Variants in GPC4 observed in about 807,000 individuals in gnomAD.
GPC4 encodes the protein glypican-4.
A neutral mutation model predicts 35.0 loss-of-function variants in GPC4; 10 were observed. That is an observed-to-expected ratio of 0.29 (90% CI 0.18 to 0.48). The LOEUF is 0.48. GPC4 is among the 20% of genes least tolerant of loss of function. The pLI is 0.99. For synonymous variants in GPC4, 167 were observed against 170.2 expected (o/e 0.98, Z 0.15); for missense variants, 322 against 451.3 (o/e 0.71, Z 2.60).
intron 1 of GPC4, among the ~76,000 whole-genome samples, chrX:133,376,281 G>A (rs1055298198): frequency 8.9e-6 from 1 of 111,819 alleles, no homozygotes; most frequent in African/African-American, 3.2e-5. Flanking sequence ...AACCTACCCC[G>A]GGCTCTCCCC....
chrX:133,403,951 C>T (rs140404164), intron 1 of GPC4, among the ~76,000 whole-genome samples: 3,156 of 110,918 alleles, frequency 0.028, 102 homozygotes, highest in African/African-American at 0.096. Flanking sequence ...CCTGCCTCGA[C>T]CTCCCAAAGT....
At chrX:133,360,428 A>G (rs1220168760) in intron 1 of GPC4, among the ~76,000 whole-genome samples, 1 of 111,587 alleles carries the variant, frequency 9.0e-6, no homozygotes, top group Non-Finnish European at 1.9e-5. Flanking sequence ...CTATTGATAT[A>G]CTAAATTTAT....
intron 1 of GPC4, among the ~76,000 whole-genome samples, chrX:133,397,898 T>A (rs1189201425): frequency 2.7e-5 from 3 of 110,784 alleles, no homozygotes; most frequent in African/African-American, 9.8e-5. Flanking sequence ...CTGTCTCTAC[T>A]AAAAATCCAA....
At chrX:133,365,340 C>A (rs1035984170) in intron 1 of GPC4, among the ~76,000 whole-genome samples, 8 of 111,699 alleles carry the variant, frequency 7.2e-5, no homozygotes, top group Admixed American at 3.8e-4. Context: ...TTTCTCTAGT[C>A]ACTCAACCAA....
chrX:133,353,515 C>T (rs1310186859), intron 1 of GPC4, among the ~76,000 whole-genome samples: 2 of 111,678 alleles, frequency 1.8e-5, no homozygotes, highest in Non-Finnish European at 3.8e-5. Context: ...CTAGCTTGCC[C>T]TCTCTAACTC....
At chrX:133,317,298 T>C (rs904252473) in intron 3 of GPC4, among the ~76,000 whole-genome samples, 2 of 111,576 alleles carry the variant, frequency 1.8e-5, no homozygotes, top group East Asian at 2.8e-4. Context: ...TCTCAACTTA[T>C]TAAAACTCTT....
At chrX:133,359,567 G>A (rs2068557472) in intron 1 of GPC4, among the ~76,000 whole-genome samples, 1 of 111,921 alleles carries the variant, frequency 8.9e-6, no homozygotes, top group Admixed American at 9.5e-5. Flanking sequence ...CTCTATCAAA[G>A]GGAGGAAGCC....
chrX:133,409,320 T>TAAAAA (rs36008423), intron 1 of GPC4, among the ~76,000 whole-genome samples: 5 of 31,793 alleles, frequency 1.6e-4, no homozygotes, highest in East Asian at 1.0e-3. Context: ...GACCCTGCCT[T>TAAAAA]AAAAAAAAAA....
chrX:133,327,091 A>G (rs886576800), intron 2 of GPC4, among the ~76,000 whole-genome samples: 3 of 112,807 alleles, frequency 2.7e-5, no homozygotes, highest in African/African-American at 9.6e-5. Context: ...TGCTATTAAT[A>G]TTTCATGACC....
intron 1 of GPC4, among the ~76,000 whole-genome samples, chrX:133,370,649 A>C (rs372373549): frequency 1.3e-4 from 14 of 111,218 alleles, no homozygotes; most frequent in African/African-American, 4.6e-4. Context: ...CTCCAGTTGT[A>C]ATAAGCCTTT....
At chrX:133,303,475 G>A in intron 7 of GPC4, 134 bp from the exon 8 acceptor site, 1 of 491,383 alleles carries the variant, frequency 2.0e-6, no homozygotes, top group Non-Finnish European at 3.2e-6. Context: ...ACTTCTGCTA[G>A]ATTCTAGTAT....
intron 7 of GPC4, among the ~76,000 whole-genome samples, chrX:133,304,306 G>C (rs1038531964): frequency 3.6e-5 from 4 of 110,506 alleles, no homozygotes; most frequent in Non-Finnish European, 7.6e-5. Flanking sequence ...TCTCAAACAA[G>C]CAAACAAAAA....
At position 133,302,300 on chromosome X, in the gene GPC4, A is replaced by C; in HGVS notation, c.*567T>G. ...TGCTTGTGCCCTCACATTCTGTCTT[A>C]ATAATAATTTAAAAAAAAGAAAATC... On this transcript the variant is annotated 3_prime_UTR_variant, in exon 9 of 9. Transcript: ENST00000370828. The C allele has an allele frequency of 8.8e-6, 1 of 113,980 alleles. No individual in the cohort carries two copies. The allele number at this position is 113,980 out of a possible 1,213,427, so 9.4% of individuals were successfully genotyped here.
chrX:133,304,853 A>G lies in GPC4; in HGVS notation c.1164T>C (p.Asp388=). 1 of 1,210,259 alleles carries G rather than the reference A, an allele frequency of 8.3e-7. No homozygotes were observed. Among genetic ancestry groups the G allele is most frequent in the Admixed American group, 2.2e-5 (1 of 46,058 alleles). The part of the protein sequence containing the change: ...AGTSLDRLVT[D]VKEKLKQAKK... ...TGGCCTGTTTCAGTTTCTCCTTGACATCAGTAACCTAATTATGAAACAACA... is the reference window on the plus strand; with the variant it reads ...TGGCCTGTTTCAGTTTCTCCTTGACGTCAGTAACCTAATTATGAAACAACA... Residue 388 remains aspartate, a synonymous_variant, in exon 7 of 9, where the codon GAT becomes GAC. Transcript: ENST00000370828.
At chrX:133,338,452 T>C (rs750596255) in intron 2 of GPC4, among the ~76,000 whole-genome samples, 2 of 112,208 alleles carry the variant, frequency 1.8e-5, no homozygotes, top group Non-Finnish European at 3.8e-5. Flanking sequence ...CCATATTCTA[T>C]TTTTTAAAGT....
Position 133,301,455 on chromosome X carries a change from C to G in GPC4, c.*1412G>C, listed in dbSNP as rs1182628140. ...AGGGATTCCCAAGGCAGTTGTTAGT[C>G]TTTGGCCTGGGACAACAGATATGGC... On this transcript the variant is annotated 3_prime_UTR_variant, in exon 9 of 9. Coordinates refer to ENST00000370828, the MANE Select transcript of GPC4 (RefSeq NM_001448.3). 8.9e-6 allele frequency: 1 copy of G among 112,745 alleles called. No individual in the cohort carries two copies. Among genetic ancestry groups the G allele is most frequent in the Non-Finnish European group, 1.9e-5 (1 of 53,378 alleles). The allele number at this position is 112,745 out of a possible 1,213,427, so 9.3% of individuals were successfully genotyped here.
chrX:133,385,129 T>C (rs1200752842), intron 1 of GPC4, among the ~76,000 whole-genome samples: 7 of 112,523 alleles, frequency 6.2e-5, no homozygotes. Context: ...AAAGTAAGTA[T>C]ATTTAAGTAC....
At chrX:133,404,461 C>T (rs983466913) in intron 1 of GPC4, among the ~76,000 whole-genome samples, 6 of 100,848 alleles carry the variant, frequency 5.9e-5, no homozygotes, top group African/African-American at 7.7e-5. Context: ...GCAGAAGAAT[C>T]GCTTGAACCC....
At position 133,339,336 on chromosome X, in the gene GPC4, G is replaced by T. The variant is rs778063372; in HGVS notation, c.166C>A (p.His56Asn). The change falls in exon 2 of 9, where the codon CAT (histidine) becomes AAT (asparagine). Residue 56 changes from histidine to asparagine, a missense_variant. Physicochemically the swap from His to Asn is moderately conservative, Grantham distance 68. Coordinates refer to ENST00000370828, the MANE Select transcript of GPC4 (RefSeq NM_001448.3). The stretch of plus-strand genomic sequence containing the variant: ...GAACCCTGGGGACAGATCTTCAAAT[G>T]ATCACCTGCAAGATAAAAAGTAAGA... ...DAPLHEINGDHLKICPQGSTC... is the reference protein window; with the variant it reads ...DAPLHEINGDNLKICPQGSTC... 1 of 1,207,437 alleles carries T rather than the reference G, an allele frequency of 8.3e-7. No homozygotes were observed. The highest frequency in any genetic ancestry group is 1.1e-6 in the Non-Finnish European group (1 of 892,955).
Sources: gnomAD v4.1 joint callset for allele counts (sites outside exome capture counted in the v4.1 genomes callset) on GRCh38, gnomAD v4.1.1 for gene constraint, MANE v1.5 for transcripts, NCBI Gene and HGNC (gene_info 2026-07-23, HGNC 2026-07-21) for gene names.